KLHL31: variants seen among roughly 807,000 people sequenced by gnomAD.
KLHL31 encodes kelch like family member 31.
Under a neutral mutation model 47.1 loss-of-function variants are expected in KLHL31, and 32 were observed. The observed-to-expected ratio is 0.68, with a 90% confidence interval of 0.51 to 0.91. KLHL31 has a LOEUF of 0.91. Ranked by LOEUF, KLHL31 falls within the 40% of genes least tolerant of loss-of-function variation. The pLI is 0.00. For synonymous variants in KLHL31, 330 were observed against 325.1 expected, an observed-to-expected ratio of 1.01 and a Z score of -0.16; for missense variants, 797 against 819.3, an observed-to-expected ratio of 0.97 and a Z score of 0.33.
intron 1 of KLHL31, among the ~76,000 whole-genome samples, chr6:53,656,177 A>G (rs1178068309): frequency 6.6e-6 from 1 of 152,178 alleles, no homozygotes; most frequent in Non-Finnish European, 1.5e-5. Flanking sequence ...TTGCCAGAGG[A>G]TTTAACAGAC....
rs1032856890 is a variant in KLHL31, at chr6:53,649,655, T to G, written c.*1943A>C. ...TCATACAATACTTCTAAGATGTCAATGGGAACACATCTATTGGTGTGCATC... is the reference window on the plus strand; with the variant it reads ...TCATACAATACTTCTAAGATGTCAAGGGGAACACATCTATTGGTGTGCATC... On this transcript the variant is annotated 3_prime_UTR_variant, in exon 3 of 3. Coordinates refer to ENST00000370905, the MANE Select transcript of KLHL31 (RefSeq NM_001003760.5). The G allele has an allele frequency of 6.6e-6, 1 of 152,186 alleles. No homozygotes were observed. Among genetic ancestry groups the G allele is most frequent in the Non-Finnish European group, 1.5e-5 (1 of 67,992 alleles). The allele number at this position is 152,186 out of a possible 1,614,324, so 9.4% of individuals were successfully genotyped here. A position where few individuals can be genotyped will look rare whatever the true frequency, so the allele number is the denominator to read the frequency against.
At chr6:53,660,949 A>T (rs907188627) in intron 1 of KLHL31, among the ~76,000 whole-genome samples, 1 of 152,182 alleles carries the variant, frequency 6.6e-6, no homozygotes, top group Non-Finnish European at 1.5e-5. Flanking sequence ...TCTGCAACTC[A>T]TAGGTAAGGC....
rs1258253202 is a variant in KLHL31 at position 53,655,194 on chromosome 6, G to T, written c.79C>A (p.Leu27Ile). 6.2e-7 allele frequency: 1 copy of T among 1,613,416 alleles called. No homozygotes were observed. The highest frequency in any genetic ancestry group is 1.7e-5 in the Admixed American group (1 of 59,872). Residue 27 changes from leucine to isoleucine, a missense_variant, in exon 2 of 3, where the codon CTA (leucine) becomes ATA (isoleucine). Physicochemically the swap from Leu to Ile is conservative, Grantham distance 5. Transcript: ENST00000370905. Reference protein sequence around the residue: ...EMTIIVEDSPLNKLNALNGLL... With the variant: ...EMTIIVEDSPINKLNALNGLL... ...CCATTCAAAGCATTCAGTTTGTTTA[G>T]GGGGCTATCTTCTACGATTATAGTC...
chr6:53,657,878 A>G (rs1030036252), intron 1 of KLHL31, among the ~76,000 whole-genome samples: 1 of 150,384 alleles, frequency 6.6e-6, no homozygotes, highest in Non-Finnish European at 1.5e-5. Context: ...TTAAGCTCCA[A>G]TTATCATATT....
In KLHL31 at chr6:53,652,245, G is replaced by C; in HGVS notation, c.1258C>G (p.Leu420Val). ...TTGCGGCCGCCCGCGGCGTACACGA[G>C]CCCGTTGAACACGCTCAGGCTGAAG... is the stretch of plus-strand genomic sequence containing the variant. ...THFSLSVFNG[L>V]VYAAGGRNAE... Residue 420 changes from leucine (L) to valine (V), a missense_variant, in exon 3 of 3, where the codon CTC (leucine) becomes GTC (valine). Leu to Val is a conservative substitution (Grantham distance 32). Transcript: ENST00000370905. 1 of 1,614,074 alleles carries C rather than the reference G, an allele frequency of 6.2e-7. No homozygotes were observed. Among genetic ancestry groups the C allele is most frequent in the Non-Finnish European group, 8.5e-7 (1 of 1,180,036 alleles).
chr6:53,658,156 T>C (rs1168342842), intron 1 of KLHL31, among the ~76,000 whole-genome samples: 1 of 152,206 alleles, frequency 6.6e-6, no homozygotes, highest in East Asian at 1.9e-4. Flanking sequence ...GTACAAGATG[T>C]AATTTATATT....
intron 1 of KLHL31, among the ~76,000 whole-genome samples, chr6:53,660,373 C>T (rs1764627858): frequency 1.3e-5 from 2 of 152,108 alleles, no homozygotes; most frequent in African/African-American, 4.8e-5. Context: ...GATAGATACA[C>T]ATGTGCAAAC....
At chr6:53,658,288 T>TA (rs1554165268) in intron 1 of KLHL31, among the ~76,000 whole-genome samples, 3 of 151,536 alleles carry the variant, frequency 2.0e-5, no homozygotes, top group Admixed American at 6.6e-5. Flanking sequence ...CATTTTTTTT[T>TA]ATTCATGTAG....
At chr6:53,656,440 A>G (rs74449072) in intron 1 of KLHL31, among the ~76,000 whole-genome samples, 7,697 of 152,260 alleles carry the variant, frequency 0.051, 284 homozygotes, top group Non-Finnish European at 0.076. Flanking sequence ...GATAAGAGGT[A>G]GAAACCTATA....
At chr6:53,652,438 G>T in intron 2 of KLHL31, 108 bp from the exon 3 acceptor site, 1 of 1,389,438 alleles carries the variant, frequency 7.2e-7, no homozygotes, top group Non-Finnish European at 1.0e-6. Context: ...GCAAGGAGGC[G>T]AGGGACCTGG....
chr6:53,660,774 A>G (rs1236341363), intron 1 of KLHL31, among the ~76,000 whole-genome samples: 1 of 152,234 alleles, frequency 6.6e-6, no homozygotes, highest in Non-Finnish European at 1.5e-5. Context: ...CTGATATTGC[A>G]CCACTGCCCT....
chr6:53,651,785 C>G lies in KLHL31; in HGVS notation c.1718G>C (p.Trp573Ser). 2 of 1,613,734 alleles carry G rather than the reference C, an allele frequency of 1.2e-6. No homozygotes were observed. The part of the protein sequence containing the change: ...LHGRAYLVGG[W>S]NEGEKKYKKC... ...CTTGTACTTCTTCTCGCCCTCGTTC[C>G]AGCCCCCCACCAGGTAGGCGCGGCC... The change falls in exon 3 of 3, where the codon TGG becomes TCG. Residue 573 changes from tryptophan to serine, a missense_variant. Transcript: ENST00000370905.
At chr6:53,656,824 C>G (rs1184222620) in intron 1 of KLHL31, among the ~76,000 whole-genome samples, 1 of 149,460 alleles carries the variant, frequency 6.7e-6, no homozygotes, top group East Asian at 1.9e-4. Context: ...AATCCAGAAG[C>G]TATAAAAGAA....
chr6:53,655,360 A>C, intron 1 of KLHL31, 55 bp from the exon 2 acceptor site: 1 of 832,182 alleles, frequency 1.2e-6, no homozygotes, highest in South Asian at 2.2e-5. Flanking sequence ...TTAGACTTTG[A>C]AATACTACAT....
chr6:53,662,977 A>G (rs1170302611), intron 1 of KLHL31, among the ~76,000 whole-genome samples: 2 of 152,182 alleles, frequency 1.3e-5, no homozygotes, highest in African/African-American at 4.8e-5. Flanking sequence ...CCCTGGGTTA[A>G]GCACTTTACA....
intron 1 of KLHL31, among the ~76,000 whole-genome samples, chr6:53,661,372 A>G (rs563117835): frequency 3.2e-4 from 49 of 152,306 alleles, no homozygotes; most frequent in African/African-American, 1.2e-3. Context: ...TTCTGGGTAC[A>G]GACACAAGGT....
chr6:53,650,421 T>C lies in KLHL31; in HGVS notation c.*1177A>G, dbSNP rs1036008352. 9.2e-5 allele frequency: 14 copies of C among 152,200 alleles called. No homozygotes were observed. Among genetic ancestry groups the C allele is most frequent in the Non-Finnish European group, 1.9e-4 (13 of 68,026 alleles). 9.4% of individuals were successfully genotyped at this position (152,200 alleles called of 1,614,324 possible). On this transcript the variant is annotated 3_prime_UTR_variant, in exon 3 of 3. Transcript: ENST00000370905. ...AAAAATAGGACAGAATGAGTATATA[T>C]TTTTATATACGTGAGATGAGTGCTT...
intron 1 of KLHL31, among the ~76,000 whole-genome samples, chr6:53,659,260 A>G (rs1764613368): frequency 6.6e-6 from 1 of 152,242 alleles, no homozygotes; most frequent in Non-Finnish European, 1.5e-5. Context: ...CAAAGGGAAG[A>G]TTTCTGGAAT....
intron 1 of KLHL31, among the ~76,000 whole-genome samples, chr6:53,660,399 TA>T (rs1021013801): frequency 5.9e-5 from 9 of 152,236 alleles, no homozygotes; most frequent in Admixed American, 3.3e-4. Context: ...TGTATTTATA[TA>T]TTTTTTTAAT....
Sources: gnomAD v4.1 joint callset for allele counts (sites outside exome capture counted in the v4.1 genomes callset) on GRCh38, gnomAD v4.1.1 for gene constraint, MANE v1.5 for transcripts, NCBI Gene and HGNC (gene_info 2026-07-23, HGNC 2026-07-21) for gene names.